IL1RAP: variants seen among roughly 807,000 people sequenced by gnomAD.
The protein encoded by IL1RAP is interleukin-1 receptor accessory protein.
IL1RAP carries 35 observed loss-of-function variants against 60.7 expected under a neutral mutation model. The ratio of observed to expected loss-of-function variants is 0.58; its 90% CI spans 0.44 to 0.76. The LOEUF (loss-of-function observed/expected upper bound fraction) is 0.76, where lower values mean the gene tolerates loss of function less well. Ranked by LOEUF, IL1RAP falls within the 30% of genes least tolerant of loss-of-function variation. The pLI is 0.00. For synonymous variants in IL1RAP, 268 were observed against 250.9 expected, an observed-to-expected ratio of 1.07 and a Z score of -0.64; for missense variants, 572 against 693.9, an observed-to-expected ratio of 0.82 and a Z score of 1.97.
rs113119794 is a variant in IL1RAP, at chr3:190,535,532, A to G, written c.-88-20598A>G. Among the ~76,000 whole-genome samples the G allele has an allele frequency of 3.0e-3, 455 of 152,300 alleles. 3 individuals carry two copies. The highest frequency in any genetic ancestry group is 0.011 in the African/African-American group (446 of 41,562). On this transcript the variant is annotated intron_variant, in intron 1 of 11. Transcript: ENST00000447382. ...AGAAGATCTACCTCCTCCAAACAAC[A>G]GCAATTAACTACGACTTATAACTCA... is the stretch of plus-strand genomic sequence containing the variant.
intron 1 of IL1RAP, among the ~76,000 whole-genome samples, chr3:190,551,314 T>C (rs924020052): frequency 1.3e-5 from 2 of 152,236 alleles, no homozygotes; most frequent in Non-Finnish European, 2.9e-5. Flanking sequence ...GTTTCTGCAA[T>C]TGTGTCCTGT....
At chr3:190,578,493 A>G (rs1322618921) in intron 3 of IL1RAP, among the ~76,000 whole-genome samples, 1 of 152,194 alleles carries the variant, frequency 6.6e-6, no homozygotes, top group African/African-American at 2.4e-5. Flanking sequence ...TGGAAAATAG[A>G]TATTACCATA....
At chr3:190,644,465 GA>G in intron 10 of IL1RAP, 68 bp downstream of exon 10, 1 of 1,227,396 alleles carries the variant, frequency 8.1e-7, no homozygotes, top group Non-Finnish European at 1.2e-6. Flanking sequence ...GTAAAAAAAA[GA>G]AAAAAGAAAA....
At chr3:190,644,696 A>G (rs1733887905) in intron 10 of IL1RAP, among the ~76,000 whole-genome samples, 1 of 152,242 alleles carries the variant, frequency 6.6e-6, no homozygotes. Context: ...AAAAAGAAAC[A>G]AGTAAAAATA....
chr3:190,522,335 TTC>T (rs1491082103), intron 1 of IL1RAP, among the ~76,000 whole-genome samples: 1 of 145,894 alleles, frequency 6.9e-6, no homozygotes, highest in African/African-American at 2.7e-5. Flanking sequence ...CCTTCCTTCC[TTC>T]CTTCCTCCCT....
intron 5 of IL1RAP, among the ~76,000 whole-genome samples, chr3:190,612,223 T>G (rs1420923215): frequency 6.6e-6 from 1 of 152,116 alleles, no homozygotes; most frequent in Non-Finnish European, 1.5e-5. Flanking sequence ...CGTTGTCCTC[T>G]CTCTGATTAT....
intron 9 of IL1RAP, among the ~76,000 whole-genome samples, chr3:190,631,027 T>G (rs1209986254): frequency 6.6e-6 from 1 of 152,212 alleles, no homozygotes; most frequent in Non-Finnish European, 1.5e-5. Context: ...TATCATCAAA[T>G]AAGTATCATT....
intron 4 of IL1RAP, among the ~76,000 whole-genome samples, chr3:190,607,112 CCCCT>C (rs1730396650): frequency 6.6e-6 from 1 of 152,064 alleles, no homozygotes; most frequent in Admixed American, 6.6e-5. Flanking sequence ...ATCTTTAACA[CCCCT>C]CCCTCCCTCT....
intron 1 of IL1RAP, among the ~76,000 whole-genome samples, chr3:190,527,684 A>ATTTTTTT (rs58914187): frequency 6.2e-5 from 7 of 112,936 alleles, no homozygotes; most frequent in African/African-American, 1.0e-4. Context: ...GCTTGTTTAC[A>ATTTTTTT]TTTTTTTTTT....
intron 6 of IL1RAP, among the ~76,000 whole-genome samples, chr3:190,622,830 A>G (rs1731894400): frequency 6.6e-6 from 1 of 152,092 alleles, no homozygotes; most frequent in African/African-American, 2.4e-5. Flanking sequence ...TATTGAGTAA[A>G]AGGACTGGAA....
chr3:190,522,818 C>A (rs771849648), intron 1 of IL1RAP, among the ~76,000 whole-genome samples: 1 of 152,050 alleles, frequency 6.6e-6, no homozygotes, highest in African/African-American at 2.4e-5. Flanking sequence ...CATGTGGATA[C>A]CTTCTGAAAT....
At chr3:190,514,940 G>A (rs948323662) in intron 1 of IL1RAP, among the ~76,000 whole-genome samples, 1 of 152,206 alleles carries the variant, frequency 6.6e-6, no homozygotes, top group Non-Finnish European at 1.5e-5. Context: ...AATACTGAGA[G>A]GGAGCAAGGA....
intron 3 of IL1RAP, among the ~76,000 whole-genome samples, chr3:190,565,654 T>TA (rs1348205376): frequency 1.3e-5 from 2 of 152,312 alleles, no homozygotes; most frequent in African/African-American, 4.8e-5. Flanking sequence ...GAGATGTTAT[T>TA]CGGCTGGGAT....
chr3:190,618,188 A>T (rs1731446249), intron 5 of IL1RAP, among the ~76,000 whole-genome samples: 2 of 152,326 alleles, frequency 1.3e-5, no homozygotes, highest in South Asian at 4.1e-4. Flanking sequence ...AGGACTTTGA[A>T]ACAAGTAGAT....
chr3:190,542,173 ATC>A (rs1723995845), intron 1 of IL1RAP, among the ~76,000 whole-genome samples: 2 of 152,114 alleles, frequency 1.3e-5, no homozygotes, highest in African/African-American at 2.4e-5. Context: ...GTGAATTTTT[ATC>A]TTTCTTAATT....
In IL1RAP at chr3:190,526,217, G is replaced by A. The variant is rs180864930; in HGVS notation, c.-89+11998G>A. On this transcript the variant is annotated intron_variant, in intron 1 of 11. Transcript: ENST00000447382. ...ATAAATAATTTCTTTTTGAAGTCTCGGAATAACCGTATGTGGCAGGTGAAG... is the reference window on the plus strand; with the variant it reads ...ATAAATAATTTCTTTTTGAAGTCTCAGAATAACCGTATGTGGCAGGTGAAG... 7.9e-5 allele frequency among the ~76,000 whole-genome samples: 12 copies of A among 152,116 alleles called. No homozygotes were observed. The East Asian group carries it at 2.1e-3, about 27-fold the overall frequency.
intron 9 of IL1RAP, among the ~76,000 whole-genome samples, chr3:190,643,327 C>A (rs763975046): frequency 6.6e-6 from 1 of 152,098 alleles, no homozygotes; most frequent in Non-Finnish European, 1.5e-5. Flanking sequence ...GAAGTCACAG[C>A]ATGAGAAACG....
In IL1RAP at chr3:190,629,428, G is replaced by A. The variant is rs866815005; in HGVS notation, c.981G>A (p.Lys327=). The A allele has an allele frequency of 1.9e-6, 3 of 1,613,902 alleles. No individual in the cohort carries two copies. In the Middle Eastern group the frequency reaches 5.0e-4, roughly 266 times the overall value. Residue 327 remains lysine, a synonymous_variant, in exon 9 of 12, where the codon AAG becomes AAA. Transcript: ENST00000447382. ...SIKKVTSEDL[K]RSYVCHARSA... is the part of the protein sequence containing the mutation. ...AGAAAGTTACCTCTGAGGATCTCAA[G>A]CGCAGCTATGTCTGTCATGCTAGAA... is the stretch of plus-strand genomic sequence containing the variant.
chr3:190,577,044 G>T (rs761009041), intron 3 of IL1RAP, among the ~76,000 whole-genome samples: 14 of 149,298 alleles, frequency 9.4e-5, no homozygotes, highest in South Asian at 2.1e-4. Flanking sequence ...GAGCTTGCAG[G>T]GAGCCGAGAT....
Sources: allele counts gnomAD v4.1 joint callset (sites outside exome capture counted in the v4.1 genomes callset), GRCh38; gene constraint gnomAD v4.1.1; transcripts MANE v1.5; gene names NCBI Gene and HGNC (gene_info 2026-07-23, HGNC 2026-07-21).